The following EMC3 variants were observed in gnomAD, a reference collection of about 807,000 sequenced individuals.
EMC3 encodes ER membrane protein complex subunit 3.
A neutral mutation model predicts 36.6 loss-of-function variants in EMC3; 13 were observed. The ratio of observed to expected loss-of-function variants is 0.35; its 90% confidence interval spans 0.23 to 0.56. EMC3 has a LOEUF of 0.56. Ranked by LOEUF, EMC3 falls within the 20% of genes least tolerant of loss-of-function variation. EMC3 has a pLI of 0.84. For missense variants in EMC3, 220 were observed against 324.5 expected (o/e 0.68, Z 2.47); for synonymous variants, 120 against 111.9 (o/e 1.07, Z -0.46).
intron 1 of EMC3, among the ~76,000 whole-genome samples, chr3:9,984,682 T>A (rs753315061): frequency 1.3e-5 from 2 of 151,990 alleles, no homozygotes; most frequent in Admixed American, 1.3e-4. Context: ...TGAGCCACCA[T>A]GCCCGGCCAG....
chr3:10,003,785 G>A (rs1350503297), intron 1 of EMC3: 2 of 164,440 alleles, frequency 1.2e-5, no homozygotes, highest in South Asian at 1.5e-4. Flanking sequence ...GGACACCCAC[G>A]CAACCAATAC....
At chr3:9,986,203 C>A (rs2085970076) in intron 1 of EMC3, among the ~76,000 whole-genome samples, 1 of 152,150 alleles carries the variant, frequency 6.6e-6, no homozygotes, top group South Asian at 2.1e-4. Flanking sequence ...ATAGGTAAAC[C>A]CACCGAGGGT....
chr3:9,994,130 T>G, intron 1 of EMC3: 1 of 1,551,120 alleles, frequency 6.4e-7, no homozygotes, highest in South Asian at 1.1e-5. Context: ...TAAGCAACTC[T>G]TAGGTTGTGT....
At chr3:9,993,838 C>T (rs560162528) in intron 1 of EMC3, among the ~76,000 whole-genome samples, 100 of 151,206 alleles carry the variant, frequency 6.6e-4, no homozygotes, top group Admixed American at 1.6e-3. Flanking sequence ...AAATTATAAC[C>T]AAGGTGGAAC....
chr3:9,965,936 G>A lies in EMC3; in HGVS notation c.658-1739C>T, dbSNP rs562385155. 2.0e-5 allele frequency among the ~76,000 whole-genome samples: 3 copies of A among 152,246 alleles called. No homozygotes were observed. In the East Asian group the frequency reaches 5.8e-4, roughly 29 times the overall value. On this transcript the variant is annotated intron_variant, in intron 7 of 7. Transcript: ENST00000245046. ...ATTAGATGATGGACATTTGGGTTATGTCTACTTTTTGATTATTATGAATCA... is the reference window on the plus strand; with the variant it reads ...ATTAGATGATGGACATTTGGGTTATATCTACTTTTTGATTATTATGAATCA...
At chr3:9,983,170 CAG>C (rs1411658354) in intron 1 of EMC3, among the ~76,000 whole-genome samples, 3 of 149,130 alleles carry the variant, frequency 2.0e-5, no homozygotes, top group African/African-American at 4.9e-5. Flanking sequence ...TTTTTTGAGA[CAG>C]AGCCTCCTTC....
At chr3:9,985,611 A>C (rs1482268999) in intron 1 of EMC3, among the ~76,000 whole-genome samples, 2 of 152,130 alleles carry the variant, frequency 1.3e-5, no homozygotes, top group African/African-American at 4.8e-5. Context: ...TATTGCAACG[A>C]GGGGCTGGTT....
intron 5 of EMC3, among the ~76,000 whole-genome samples, chr3:9,973,188 T>TTTTG (rs375164713): frequency 8.0e-5 from 12 of 149,604 alleles, no homozygotes; most frequent in African/African-American, 1.7e-4. Flanking sequence ...TGTTTTCGTT[T>TTTTG]TTTGTTTGTT....
chr3:9,996,362 T>C (rs2086124104), intron 1 of EMC3, among the ~76,000 whole-genome samples: 1 of 152,128 alleles, frequency 6.6e-6, no homozygotes, highest in Non-Finnish European at 1.5e-5. Flanking sequence ...GGAGGATCCA[T>C]TGAACCCAGG....
chr3:9,988,466 G>C, upstream of EMC3: 16 of 1,370,724 alleles, frequency 1.2e-5, no homozygotes, highest in Non-Finnish European at 1.7e-5. Context: ...CATTTCAGAA[G>C]CCTGGATTAA....
At chr3:9,994,191 C>A (rs1408779961) in intron 1 of EMC3, 1 of 1,584,536 alleles carries the variant, frequency 6.3e-7, no homozygotes, top group Non-Finnish European at 8.6e-7. Flanking sequence ...ACTCAAGGTT[C>A]TTAAGGATAT....
upstream of EMC3, among the ~76,000 whole-genome samples, chr3:9,990,892 G>T (rs1245043788): frequency 6.6e-6 from 1 of 151,150 alleles, no homozygotes; most frequent in Non-Finnish European, 1.5e-5. Flanking sequence ...GCAGTGGCAC[G>T]ATCTCGGCTC....
rs2085702783 is a variant in EMC3, at chr3:9,963,025, T to G, written c.*1044A>C. On this transcript the variant is annotated 3_prime_UTR_variant, in exon 8 of 8. Coordinates refer to ENST00000245046, the MANE Select transcript of EMC3 (RefSeq NM_001394674.1). ...TGACATCCAGATCAAGATTTTGCAT[T>G]ATTTATAGACAGTCTCTGATGATCC... The G allele has an allele frequency of 6.6e-6, 1 of 152,176 alleles. No individual in the cohort carries two copies. The highest frequency in any genetic ancestry group is 2.1e-4 in the South Asian group (1 of 4,822). The allele number at this position is 152,176 out of a possible 1,614,324, so 9.4% of individuals were successfully genotyped here.
intron 1 of EMC3, chr3:10,003,221 C>T (rs1316039824): frequency 4.4e-6 from 2 of 456,578 alleles, no homozygotes; most frequent in Non-Finnish European, 8.8e-6. Flanking sequence ...CAACAACCAT[C>T]CCAGGAAGCC....
Position 9,970,666 on chromosome 3 carries a change from C to A in EMC3, c.495-5G>T. ...TACCAGGATGCAGAACTCACCCTGG[C>A]AAAGCAAAATGAAAATGGTGTGGTT... On this transcript the variant is annotated splice_polypyrimidine_tract_variant and splice_region_variant and intron_variant, in intron 5 of 7. Coordinates refer to ENST00000245046, the MANE Select transcript of EMC3 (RefSeq NM_001394674.1). 1 of 1,613,966 alleles carries A rather than the reference C, an allele frequency of 6.2e-7. No individual in the cohort carries two copies. The highest frequency in any genetic ancestry group is 8.5e-7 in the Non-Finnish European group (1 of 1,179,906).
At chr3:9,966,501 G>A (rs764708675) in intron 7 of EMC3, among the ~76,000 whole-genome samples, 1 of 148,294 alleles carries the variant, frequency 6.7e-6, no homozygotes, top group African/African-American at 2.5e-5. Flanking sequence ...GATTACAGGC[G>A]TGAGCCACCA....
intron 1 of EMC3, chr3:9,994,210 C>T (rs1048467054): frequency 1.8e-5 from 28 of 1,584,490 alleles, no homozygotes; most frequent in Non-Finnish European, 2.3e-5. Context: ...ATGTGTTCAT[C>T]CATTATGTCG....
chr3:10,001,705 A>G (rs1042759396), intron 1 of EMC3, among the ~76,000 whole-genome samples: 1 of 152,094 alleles, frequency 6.6e-6, no homozygotes, highest in Non-Finnish European at 1.5e-5. Flanking sequence ...TTGTATTAGT[A>G]TTGAAATCAG....
At chr3:9,999,658 C>T (rs769123218) in intron 1 of EMC3, among the ~76,000 whole-genome samples, 20 of 152,112 alleles carry the variant, frequency 1.3e-4, no homozygotes, top group Non-Finnish European at 2.8e-4. Flanking sequence ...GCAAAAGCAC[C>T]ATTCCCAATC....
Sources: gnomAD v4.1 joint callset for allele counts (sites outside exome capture counted in the v4.1 genomes callset) on GRCh38, gnomAD v4.1.1 for gene constraint, MANE v1.5 for transcripts, NCBI Gene and HGNC (gene_info 2026-07-23, HGNC 2026-07-21) for gene names.